YAP1: variants seen among roughly 807,000 people sequenced by gnomAD.
YAP1 encodes Yes1 associated transcriptional regulator, also known as transcriptional coactivator YAP1.
A neutral mutation model predicts 56.9 loss-of-function variants in YAP1; 5 were observed. The observed-to-expected ratio is 0.09, with a 90% CI of 0.05 to 0.18. YAP1 has a LOEUF of 0.18. Among genes scored for constraint, YAP1 ranks in the 10% least tolerant of loss-of-function variants. YAP1 has a pLI of 1.00. For synonymous variants in YAP1, 265 were observed against 248.1 expected, an observed-to-expected ratio of 1.07 and a Z score of -0.64; for missense variants, 539 against 651.8, an observed-to-expected ratio of 0.83 and a Z score of 1.88.
chr11:102,127,485 A>G (rs984998039), intron 2 of YAP1, among the ~76,000 whole-genome samples: 3 of 150,664 alleles, frequency 2.0e-5, no homozygotes, highest in African/African-American at 7.4e-5. Flanking sequence ...GCAGTTGCAC[A>G]GAAGTCAAGA....
intron 3 of YAP1, among the ~76,000 whole-genome samples, chr11:102,176,486 G>A (rs1390221481): frequency 3.3e-5 from 5 of 151,964 alleles, no homozygotes; most frequent in African/African-American, 7.2e-5. Flanking sequence ...GGTGGCTCAC[G>A]CCTGTAATCC....
At chr11:102,179,105 A>T (rs1947436137) in intron 3 of YAP1, among the ~76,000 whole-genome samples, 1 of 107,668 alleles carries the variant, frequency 9.3e-6, no homozygotes, top group Non-Finnish European at 1.7e-5. Context: ...TGGGAATCCC[A>T]TTTCACTATG....
chr11:102,114,010 T>A, intron 1 of YAP1, 134 bp from the exon 2 acceptor site: 1 of 705,374 alleles, frequency 1.4e-6, no homozygotes, highest in Non-Finnish European at 2.1e-6. Flanking sequence ...TGTTCTCCAG[T>A]GTCGAATATT....
At chr11:102,127,269 C>A (rs1212124590) in intron 2 of YAP1, among the ~76,000 whole-genome samples, 6 of 152,184 alleles carry the variant, frequency 3.9e-5, no homozygotes, top group African/African-American at 1.4e-4. Flanking sequence ...TCACGTCAGC[C>A]CCTCCCATCA....
At chr11:102,182,032 G>C (rs1300794077) in intron 3 of YAP1, among the ~76,000 whole-genome samples, 1 of 152,116 alleles carries the variant, frequency 6.6e-6, no homozygotes, top group African/African-American at 2.4e-5. Flanking sequence ...ATGTTAGTCA[G>C]GCTGGCCTCA....
At chr11:102,188,583 A>T (rs1480364770) in intron 4 of YAP1, among the ~76,000 whole-genome samples, 2 of 152,142 alleles carry the variant, frequency 1.3e-5, no homozygotes, top group African/African-American at 4.8e-5. Flanking sequence ...TAACTTTTCT[A>T]TGTTTAGATA....
In YAP1 at chr11:102,132,949, G is replaced by A. The variant is rs1266296440; in HGVS notation, c.572+18555G>A. ...CGAGGCAGGAGATCACCTGAGGTCA[G>A]GAGATGGAGACCAGCCTGGCCAACA... On this transcript the variant is annotated intron_variant, in intron 2 of 8. Coordinates refer to ENST00000282441, the MANE Select transcript of YAP1 (RefSeq NM_001130145.3). 3.9e-5 allele frequency among the ~76,000 whole-genome samples: 6 copies of A among 152,284 alleles called. No individual in the cohort carries two copies. The East Asian group carries it at 9.7e-4, about 25-fold the overall frequency.
intron 3 of YAP1, among the ~76,000 whole-genome samples, chr11:102,164,798 C>T (rs1946502174): frequency 6.6e-6 from 1 of 152,136 alleles, no homozygotes; most frequent in African/African-American, 2.4e-5. Flanking sequence ...TCTCAGCTCA[C>T]CACAACCTCC....
intron 4 of YAP1, among the ~76,000 whole-genome samples, chr11:102,197,356 T>C (rs1037016381): frequency 8.5e-5 from 13 of 152,204 alleles, no homozygotes; most frequent in Admixed American, 7.9e-4. Context: ...GTAAGATTAC[T>C]AGAATTAAAT....
chr11:102,210,015 G>T (rs1415194018), intron 6 of YAP1, among the ~76,000 whole-genome samples: 1 of 152,162 alleles, frequency 6.6e-6, no homozygotes, highest in Non-Finnish European at 1.5e-5. Context: ...ATTCTTTCTA[G>T]TGGACATTCC....
intron 6 of YAP1, among the ~76,000 whole-genome samples, chr11:102,221,749 A>G (rs538567136): frequency 5.3e-5 from 8 of 152,078 alleles, no homozygotes; most frequent in Non-Finnish European, 1.0e-4. Context: ...AAAAAAATCT[A>G]GAAGCACATC....
rs893669444 is a variant in YAP1, at chr11:102,231,705, C to T, written c.*1765C>T. The T allele has an allele frequency of 3.3e-5, 5 of 152,556 alleles. No homozygotes were observed. The highest frequency in any genetic ancestry group is 7.2e-5 in the African/African-American group (3 of 41,444). The allele number at this position is 152,556 out of a possible 1,614,324, so 9.5% of individuals were successfully genotyped here. A position where few individuals can be genotyped will look rare whatever the true frequency, so the allele number is the denominator to read the frequency against. On this transcript the variant is annotated 3_prime_UTR_variant, in exon 9 of 9. Transcript: ENST00000282441. ...TGAATTAAAGTGGCACCAGCTAGCA[C>T]CTCTGTGTTTTAAGGGTCTTTCAAT... is the stretch of plus-strand genomic sequence containing the variant.
At position 102,162,437 on chromosome 11, in the gene YAP1, G is replaced by C; in HGVS notation, c.573-19G>C. 6.2e-7 allele frequency: 1 copy of C among 1,607,810 alleles called. No individual in the cohort carries two copies. Among genetic ancestry groups the C allele is most frequent in the Non-Finnish European group, 8.5e-7 (1 of 1,174,434 alleles). ...AACCTGGTATTTGTTTCCTAATGCA[G>C]TGGTTTGTTTTGTCTTAGTCACATC... On this transcript the variant is annotated intron_variant, in intron 2 of 8. Coordinates refer to ENST00000282441, the MANE Select transcript of YAP1 (RefSeq NM_001130145.3).
intron 3 of YAP1, among the ~76,000 whole-genome samples, chr11:102,166,505 G>A (rs1365328): frequency 6.6e-6 from 1 of 152,192 alleles, no homozygotes; most frequent in Non-Finnish European, 1.5e-5. Flanking sequence ...TTTTTAAAAT[G>A]TTAGAGACAG....
intron 3 of YAP1, among the ~76,000 whole-genome samples, chr11:102,171,405 C>G (rs757068428): frequency 8.5e-5 from 13 of 152,156 alleles, no homozygotes; most frequent in Non-Finnish European, 1.3e-4. Flanking sequence ...ACAGTACTCA[C>G]AGTTTTCCAA....
rs372296389 is a variant in YAP1 at position 102,129,916 on chromosome 11, C to G, written c.572+15522C>G. 4.7e-5 allele frequency among the ~76,000 whole-genome samples: 7 copies of G among 148,562 alleles called. 1 individual carries two copies. In the East Asian group the frequency reaches 1.4e-3, roughly 31 times the overall value. On this transcript the variant is annotated intron_variant, in intron 2 of 8. Transcript: ENST00000282441. The stretch of plus-strand genomic sequence containing the variant: ...CTCCGCCTCCTGGGTTCAAGTGATT[C>G]TCCTGCCTCAGCCTCCCCAGCAGCT...
chr11:102,163,194 C>CG (rs1946400262), intron 3 of YAP1, among the ~76,000 whole-genome samples: 1 of 152,048 alleles, frequency 6.6e-6, no homozygotes, highest in South Asian at 2.1e-4. Context: ...TCTTATTTGG[C>CG]AATTTACTTG....
intron 2 of YAP1, among the ~76,000 whole-genome samples, chr11:102,137,035 A>G (rs545838032): frequency 1.3e-4 from 20 of 152,336 alleles, no homozygotes; most frequent in African/African-American, 4.1e-4. Flanking sequence ...CAATGAACCT[A>G]TAGAAAAATT....
intron 2 of YAP1, among the ~76,000 whole-genome samples, chr11:102,134,837 T>C (rs1944580537): frequency 6.6e-6 from 1 of 152,154 alleles, no homozygotes; most frequent in Admixed American, 6.5e-5. Flanking sequence ...GCCTCCTGAG[T>C]AGCTGGGATT....
Sources: gnomAD v4.1 joint callset for allele counts (sites outside exome capture counted in the v4.1 genomes callset) on GRCh38, gnomAD v4.1.1 for gene constraint, MANE v1.5 for transcripts, NCBI Gene and HGNC (gene_info 2026-07-23, HGNC 2026-07-21) for gene names.